The following RP1 variants were observed in gnomAD, a reference collection of about 807,000 sequenced individuals.
The protein encoded by RP1 is oxygen-regulated protein 1.
RP1 carries 16 observed loss-of-function variants against 14.8 expected under a neutral mutation model. The observed-to-expected ratio is 1.08, with a 90% confidence interval of 0.73 to 1.65. The LOEUF (loss-of-function observed/expected upper bound fraction) is 1.65. Ranked by LOEUF, RP1 falls within the 40% of genes most tolerant of loss-of-function variation. The pLI is 0.00. For missense variants in RP1, 2,631 were observed against 2,535.0 expected (o/e 1.04, Z -0.81); for synonymous variants, 876 against 883.6 (o/e 0.99, Z 0.15).
chr8:54,831,525 C>T (rs1476210489), intron 24 of RP1, among the ~76,000 whole-genome samples: 3 of 148,000 alleles, frequency 2.0e-5, no homozygotes, highest in Admixed American at 6.8e-5. Context: ...ATAGAGTAAA[C>T]TTTAAAAAGT....
intron 3 of RP1, among the ~76,000 whole-genome samples, chr8:54,636,307 A>G (rs2129320816): frequency 6.6e-6 from 1 of 152,374 alleles, no homozygotes; most frequent in Non-Finnish European, 1.5e-5. Context: ...CCTTCAGGAT[A>G]AAGAGGCATC....
intron 1 of RP1, among the ~76,000 whole-genome samples, chr8:54,604,187 C>G (rs1805368523): frequency 6.6e-6 from 1 of 152,122 alleles, no homozygotes; most frequent in South Asian, 2.1e-4. Context: ...TCATAGATAG[C>G]TCTTATTATT....
At chr8:54,663,867 T>G (rs770670148) in intron 7 of RP1, 3 of 1,508,420 alleles carry the variant, frequency 2.0e-6, no homozygotes, top group Non-Finnish European at 2.6e-6. Flanking sequence ...AAAATGCCCT[T>G]TGATTTTAAA....
intron 1 of RP1, among the ~76,000 whole-genome samples, chr8:54,608,245 G>C (rs1056317246): frequency 2.7e-5 from 4 of 149,190 alleles, no homozygotes; most frequent in African/African-American, 5.0e-5. Context: ...CTGGAGTGTA[G>C]TGGCACAATC....
At chr8:54,722,190 C>G (rs1259620114) in intron 16 of RP1, among the ~76,000 whole-genome samples, 1 of 150,286 alleles carries the variant, frequency 6.7e-6, no homozygotes, top group African/African-American at 2.5e-5. Flanking sequence ...TGAGAACGCT[C>G]CCCTGCACTC....
intron 17 of RP1, chr8:54,726,488 C>A: frequency 6.6e-7 from 1 of 1,517,412 alleles, no homozygotes; most frequent in Non-Finnish European, 8.8e-7. Flanking sequence ...TAAGCCACAG[C>A]TTTTGCTTTC....
At chr8:54,838,291 A>G (rs1433490573) in intron 25 of RP1, among the ~76,000 whole-genome samples, 1 of 152,220 alleles carries the variant, frequency 6.6e-6, no homozygotes, top group Non-Finnish European at 1.5e-5. Flanking sequence ...GCTTGAAAGC[A>G]AACTCACCCA....
intron 24 of RP1, among the ~76,000 whole-genome samples, chr8:54,784,143 G>A (rs1384696908): frequency 2.0e-5 from 3 of 152,104 alleles, no homozygotes; most frequent in East Asian, 1.9e-4. Context: ...AGACATGGGC[G>A]AAACGGTCAA....
At chr8:54,676,739 G>T (rs138702912) in intron 8 of RP1, among the ~76,000 whole-genome samples, 6 of 152,148 alleles carry the variant, frequency 3.9e-5, no homozygotes, top group East Asian at 3.9e-4. Context: ...ATATTTTTAC[G>T]TTAATAATTT....
intron 1 of RP1, among the ~76,000 whole-genome samples, chr8:54,571,001 G>C (rs1268267035): frequency 6.6e-6 from 1 of 152,198 alleles, no homozygotes; most frequent in Non-Finnish European, 1.5e-5. Flanking sequence ...CATGTCAGCT[G>C]TGACTGGCCG....
intron 1 of RP1, among the ~76,000 whole-genome samples, chr8:54,595,970 T>C (rs1356403471): frequency 6.6e-6 from 1 of 152,234 alleles, no homozygotes; most frequent in Non-Finnish European, 1.5e-5. Flanking sequence ...TGAAATCTGA[T>C]GAAGTGATTA....
At chr8:54,585,068 G>A (rs1006641259) in intron 1 of RP1, among the ~76,000 whole-genome samples, 22 of 152,236 alleles carry the variant, frequency 1.4e-4, no homozygotes, top group Admixed American at 3.3e-4. Context: ...TATTTTGCTC[G>A]TTAGTTGATG....
intron 22 of RP1, among the ~76,000 whole-genome samples, chr8:54,765,807 C>G (rs970624689): frequency 6.6e-6 from 1 of 152,184 alleles, no homozygotes; most frequent in African/African-American, 2.4e-5. Context: ...TCTTTAAATT[C>G]CTCCAGCACT....
intron 27 of RP1, among the ~76,000 whole-genome samples, chr8:54,863,981 T>A (rs1157190510): frequency 6.6e-6 from 1 of 152,144 alleles, no homozygotes; most frequent in Non-Finnish European, 1.5e-5. Flanking sequence ...CAATAATGAA[T>A]CCATGTGACA....
At chr8:54,586,289 G>A (rs1215896423) in intron 1 of RP1, among the ~76,000 whole-genome samples, 2 of 152,186 alleles carry the variant, frequency 1.3e-5, no homozygotes, top group Admixed American at 1.3e-4. Flanking sequence ...CTGGGTATCA[G>A]CAGCAGAGGC....
intron 1 of RP1, among the ~76,000 whole-genome samples, chr8:54,566,423 A>T (rs1033845655): frequency 6.6e-6 from 1 of 152,154 alleles, no homozygotes; most frequent in African/African-American, 2.4e-5. Flanking sequence ...ACTCCTTCCA[A>T]ATCACTCAAA....
chr8:54,829,857 T>A (rs965429566), intron 24 of RP1, among the ~76,000 whole-genome samples: 2 of 152,170 alleles, frequency 1.3e-5, no homozygotes, highest in African/African-American at 4.8e-5. Flanking sequence ...TATGAATAGA[T>A]CATGTGGAAT....
rs577813931 is a variant in RP1, at chr8:54,869,639, G to A, written c.4152-204G>A. ...TTTTAGAGTGAACCAATATGACTTT[G>A]CAATTTGAGTGTAGGAAAAAACTTG... On this transcript the variant is annotated intron_variant, in intron 28 of 28. Coordinates refer to the RP1 transcript ENST00000637698. 2.0e-4 allele frequency among the ~76,000 whole-genome samples: 30 copies of A among 152,306 alleles called. No individual in the cohort carries two copies. In the South Asian group the frequency reaches 4.6e-3, roughly 23 times the overall value.
chr8:54,769,198 G>A (rs1461017148), intron 22 of RP1, among the ~76,000 whole-genome samples: 1 of 152,096 alleles, frequency 6.6e-6, no homozygotes, highest in Non-Finnish European at 1.5e-5. Context: ...CTGGCCAATG[G>A]TAATATTCTT....
Sources: allele counts gnomAD v4.1 joint callset (sites outside exome capture counted in the v4.1 genomes callset), GRCh38; gene constraint gnomAD v4.1.1; transcripts MANE v1.5; gene names NCBI Gene and HGNC (gene_info 2026-07-23, HGNC 2026-07-21).